The following GTPBP4 variants were observed in gnomAD, a reference collection of about 807,000 sequenced individuals.
GTPBP4 encodes the protein GTP-binding protein 4.
GTPBP4 carries 15 observed loss-of-function variants against 81.7 expected under a neutral mutation model. That is an observed-to-expected ratio of 0.18 (90% CI 0.12 to 0.28). GTPBP4 has a LOEUF of 0.28. Ranked by LOEUF, GTPBP4 falls within the 10% of genes least tolerant of loss-of-function variation. The pLI, the probability that GTPBP4 is intolerant of heterozygous loss-of-function variation, is 1.00. For synonymous variants in GTPBP4, 272 were observed against 274.6 expected (o/e 0.99, Z 0.09); for missense variants, 847 against 793.8 (o/e 1.07, Z -0.81).
intron 13 of GTPBP4, among the ~76,000 whole-genome samples, chr10:1,011,705 A>T (rs1300418982): frequency 6.6e-6 from 1 of 152,052 alleles, no homozygotes; most frequent in Admixed American, 6.5e-5. Context: ...TCTGGGGGCA[A>T]CAATCTCAAT....
chr10:1,000,049 G>T lies in GTPBP4; in HGVS notation c.655-628G>T, dbSNP rs145674765. ...AGAAAGTAATTCCTAAGACATGGGA[G>T]GGTTCTCAGTTATCCCAGTTTTTGT... On this transcript the variant is annotated intron_variant, in intron 6 of 16. Transcript: ENST00000360803. Among the ~76,000 whole-genome samples, 498 of 152,256 alleles carry T rather than the reference G, an allele frequency of 3.3e-3. 3 individuals carry two copies. Among genetic ancestry groups the T allele is most frequent in the African/African-American group, 0.011 (475 of 41,544 alleles).
intron 12 of GTPBP4, 91 bp from the exon 13 acceptor site, chr10:1,010,327 TGA>T: frequency 1.5e-6 from 1 of 687,908 alleles, no homozygotes; most frequent in Non-Finnish European, 2.6e-6. Context: ...GTGGAGTCGT[TGA>T]TTTGCCGTCA....
chr10:999,532 C>T (rs746155543), intron 6 of GTPBP4, among the ~76,000 whole-genome samples: 8 of 152,202 alleles, frequency 5.3e-5, no homozygotes, highest in South Asian at 4.1e-4. Context: ...AAGAACAGGT[C>T]GCATGTCTCT....
At chr10:997,485 A>G (rs1255708869) in intron 5 of GTPBP4, among the ~76,000 whole-genome samples, 177 bp downstream of exon 5, 1 of 152,188 alleles carries the variant, frequency 6.6e-6, no homozygotes, top group African/African-American at 2.4e-5. Flanking sequence ...TCCTTGAGTA[A>G]AACACTGCCC....
In GTPBP4 at chr10:1,000,724, C is replaced by G; in HGVS notation, c.702C>G (p.Asn234Lys). ...TGGACCACCCTCTGGAGGATAGGAA[C>G]ACCATCGAGATGCAGGCCATCACTG... ...GILDHPLEDR[N>K]TIEMQAITAL... Residue 234 changes from asparagine (N) to lysine (K), a missense_variant, in exon 7 of 17, where the codon AAC (asparagine) becomes AAG (lysine). Coordinates refer to ENST00000360803, the MANE Select transcript of GTPBP4 (RefSeq NM_012341.3). 6.3e-7 allele frequency: 1 copy of G among 1,576,242 alleles called. No individual in the cohort carries two copies. Among genetic ancestry groups the G allele is most frequent in the Middle Eastern group, 1.7e-4 (1 of 5,870 alleles).
At chr10:1,008,665 T>C (rs370588824) in intron 10 of GTPBP4, among the ~76,000 whole-genome samples, 1 of 152,252 alleles carries the variant, frequency 6.6e-6, no homozygotes, top group African/African-American at 2.4e-5. Flanking sequence ...ATGATAATCA[T>C]GATTTCTGTT....
chr10:991,368 A>G (rs1831438579), intron 1 of GTPBP4, among the ~76,000 whole-genome samples: 2 of 152,256 alleles, frequency 1.3e-5, no homozygotes, highest in African/African-American at 4.8e-5. Flanking sequence ...GGCTAGATAC[A>G]TTGGATTTAG....
chr10:992,364 C>T (rs950416792), intron 1 of GTPBP4, 125 bp from the exon 2 acceptor site: 18 of 588,002 alleles, frequency 3.1e-5, no homozygotes, highest in Admixed American at 6.5e-5. Context: ...CGTGCCACTG[C>T]ACTCCAGCCT....
intron 6 of GTPBP4, among the ~76,000 whole-genome samples, chr10:999,508 C>G (rs913579718): frequency 1.3e-5 from 2 of 152,222 alleles, no homozygotes; most frequent in African/African-American, 4.8e-5. Context: ...CTCATCTGAG[C>G]TCTTGGGATG....
chr10:997,130 G>GT (rs1831549828), intron 4 of GTPBP4, 78 bp from the exon 5 acceptor site: 1 of 886,460 alleles, frequency 1.1e-6, no homozygotes, highest in African/African-American at 1.6e-5. Flanking sequence ...GGCCTGGACT[G>GT]TAACTAAGTT....
intron 6 of GTPBP4, 138 bp from the exon 7 acceptor site, chr10:1,000,538 TA>T: frequency 2.2e-6 from 1 of 459,596 alleles, no homozygotes; most frequent in East Asian, 3.5e-5. Context: ...CACCCAGCCC[TA>T]CTTTTTTTTT....
chr10:1,017,003 A>G lies in GTPBP4; in HGVS notation c.1753-72A>G, dbSNP rs1832005152. The G allele has an allele frequency of 5.7e-6, 7 of 1,228,306 alleles. No homozygotes were observed. The Middle Eastern group carries it at 5.9e-4, about 104-fold the overall frequency. The allele number at this position is 1,228,306 out of a possible 1,614,324, so 76.1% of individuals were successfully genotyped here. ...TGAGCCATTAAACAGATTGTTACCC[A>G]GTAGTTGAAATTCAGAATGGAAAAT... On this transcript the variant is annotated intron_variant, in intron 16 of 16. Coordinates refer to ENST00000360803, the MANE Select transcript of GTPBP4 (RefSeq NM_012341.3).
intron 1 of GTPBP4, chr10:988,783 A>G (rs1831388778): frequency 2.1e-6 from 1 of 486,918 alleles, no homozygotes; most frequent in Non-Finnish European, 3.7e-6. Context: ...GAGGGCCCCC[A>G]GAGATGGGGG....
chr10:995,877 G>C, intron 2 of GTPBP4, 52 bp from the exon 3 acceptor site: 3 of 1,003,500 alleles, frequency 3.0e-6, no homozygotes, highest in Non-Finnish European at 4.8e-6. Flanking sequence ...AAGTGGTAGG[G>C]ATGAAAAACT....
chr10:1,005,785 A>G, intron 8 of GTPBP4, 33 bp from the exon 9 acceptor site: 1 of 1,193,958 alleles, frequency 8.4e-7, no homozygotes, highest in Non-Finnish European at 1.3e-6. Flanking sequence ...GGAAATGAAT[A>G]ATACATCTCT....
At position 996,197 on chromosome 10, in the gene GTPBP4, A is replaced by C. The variant is rs1314719181; in HGVS notation, c.415A>C (p.Thr139Pro). Residue 139 changes from threonine (T) to proline (P), a missense_variant, in exon 4 of 17, where the codon ACA (threonine) becomes CCA (proline). By Grantham distance (38) the Thr-to-Pro change is conservative. Coordinates refer to ENST00000360803, the MANE Select transcript of GTPBP4 (RefSeq NM_012341.3). Reference sequence around the variant, plus strand: ...GCGTGCGGCCCTGGGACGGATGTGCACAGTGATCAAGAGGCAGAAGCAGAG... The same window carrying C: ...GCGTGCGGCCCTGGGACGGATGTGCCCAGTGATCAAGAGGCAGAAGCAGAG... Reference protein sequence around the residue: ...LKRAALGRMCTVIKRQKQSLE... With the variant: ...LKRAALGRMCPVIKRQKQSLE... The C allele has an allele frequency of 6.2e-7, 1 of 1,614,032 alleles. No homozygotes were observed. Among genetic ancestry groups the C allele is most frequent in the Admixed American group, 1.7e-5 (1 of 59,996 alleles).
At chr10:1,003,042 T>G (rs1193034782) in intron 8 of GTPBP4, among the ~76,000 whole-genome samples, 1 of 152,238 alleles carries the variant, frequency 6.6e-6, no homozygotes, top group East Asian at 1.9e-4. Context: ...ACTCCCATAA[T>G]GCCAGCATGT....
chr10:989,621 A>G (rs1831406667), intron 1 of GTPBP4, among the ~76,000 whole-genome samples: 1 of 152,136 alleles, frequency 6.6e-6, no homozygotes, highest in African/African-American at 2.4e-5. Flanking sequence ...CTTGCCTTGG[A>G]AAGCTTTGTG....
intron 8 of GTPBP4, among the ~76,000 whole-genome samples, chr10:1,002,606 G>A (rs1036423536): frequency 5.3e-5 from 8 of 152,052 alleles, no homozygotes; most frequent in African/African-American, 1.4e-4. Flanking sequence ...TAGTAGTGAC[G>A]AATTCTCTGT....
Sources: gnomAD v4.1 joint callset for allele counts (sites outside exome capture counted in the v4.1 genomes callset) on GRCh38, gnomAD v4.1.1 for gene constraint, MANE v1.5 for transcripts, NCBI Gene and HGNC (gene_info 2026-07-23, HGNC 2026-07-21) for gene names.